Variants in CHRM5 observed in about 807,000 individuals in gnomAD.
CHRM5 encodes the protein cholinergic receptor muscarinic 5, also known as muscarinic acetylcholine receptor M5.
A neutral mutation model predicts 39.0 loss-of-function variants in CHRM5; 18 were observed. That is an observed-to-expected ratio of 0.46 (90% CI 0.32 to 0.68). The LOEUF is 0.68. CHRM5 is among the 30% of genes least tolerant of loss of function. CHRM5 has a pLI of 0.04. For missense variants in CHRM5, 515 were observed against 651.1 expected, an observed-to-expected ratio of 0.79 and a Z score of 2.28; for synonymous variants, 241 against 246.3, an observed-to-expected ratio of 0.98 and a Z score of 0.20.
intron 1 of CHRM5, among the ~76,000 whole-genome samples, chr15:33,983,577 G>A (rs1445721590): frequency 6.6e-6 from 1 of 152,024 alleles, no homozygotes; most frequent in Non-Finnish European, 1.5e-5. Context: ...GAACTTTTAA[G>A]GAAAAACAGT....
At chr15:33,993,638 T>G (rs140405841) in intron 1 of CHRM5, among the ~76,000 whole-genome samples, 217 of 152,282 alleles carry the variant, frequency 1.4e-3, no homozygotes, top group African/African-American at 5.0e-3. Flanking sequence ...CATATGAGCT[T>G]ATAGAATAAT....
intron 1 of CHRM5, among the ~76,000 whole-genome samples, chr15:34,027,029 A>T (rs934920858): frequency 6.7e-6 from 1 of 149,924 alleles, no homozygotes; most frequent in African/African-American, 2.5e-5. Flanking sequence ...CCAGAATGAT[A>T]AAGACCTCTG....
rs1186509325 is a variant in CHRM5 at position 34,064,666 on chromosome 15, G to A, written c.*350G>A. 1.2e-5 allele frequency: 3 copies of A among 253,530 alleles called. No individual in the cohort carries two copies. The highest frequency in any genetic ancestry group is 5.0e-5 in the Admixed American group (1 of 19,964). 15.7% of individuals were successfully genotyped at this position (253,530 alleles called of 1,614,324 possible). On this transcript the variant is annotated 3_prime_UTR_variant, in exon 3 of 3. Transcript: ENST00000383263. ...CTTCTGTAGGAAACAGCAGAGACCAGGTGGAAACCTTTTCCTGTGGAAACC... is the reference window on the plus strand; with the variant it reads ...CTTCTGTAGGAAACAGCAGAGACCAAGTGGAAACCTTTTCCTGTGGAAACC...
At chr15:34,021,687 T>C (rs1898206395) in intron 1 of CHRM5, among the ~76,000 whole-genome samples, 1 of 151,962 alleles carries the variant, frequency 6.6e-6, no homozygotes, top group African/African-American at 2.4e-5. Flanking sequence ...AAACCCCGTC[T>C]CTACTAAAAA....
intron 1 of CHRM5, among the ~76,000 whole-genome samples, chr15:34,031,656 C>T (rs543826266): frequency 1.3e-5 from 2 of 152,190 alleles, no homozygotes; most frequent in South Asian, 4.1e-4. Context: ...GATTGTTGTG[C>T]TGTTTGCACA....
chr15:34,043,607 G>A lies in CHRM5; in HGVS notation c.-407-2933G>A, dbSNP rs558009436. On this transcript the variant is annotated intron_variant, in intron 1 of 2. Coordinates refer to ENST00000383263, the MANE Select transcript of CHRM5 (RefSeq NM_012125.4). ...CCTGGAATCCACAGCCTGTACTCTG[G>A]TGGAGAAAAGGGAAAGTGAAGAGCT... 2.1e-3 allele frequency among the ~76,000 whole-genome samples: 326 copies of A among 152,266 alleles called. 1 individual carries two copies. The highest frequency in any genetic ancestry group is 7.4e-3 in the African/African-American group (307 of 41,542).
Position 34,064,174 on chromosome 15 carries a change from T to C in CHRM5, c.1457T>C (p.Val486Ala). 2 of 1,614,170 alleles carry C rather than the reference T, an allele frequency of 1.2e-6. No homozygotes were observed. Among genetic ancestry groups the C allele is most frequent in the Non-Finnish European group, 1.7e-6 (2 of 1,180,024 alleles). ...LWHLGYWLCY[V>A]NSTVNPICYA... ...CACTTGGGCTATTGGTTGTGCTATG[T>C]CAATAGCACTGTCAACCCCATCTGC... The change falls in exon 3 of 3, where the codon GTC becomes GCC. Residue 486 changes from valine (V) to alanine (A), a missense_variant. Val to Ala is a moderately conservative substitution (Grantham distance 64). Coordinates refer to ENST00000383263, the MANE Select transcript of CHRM5 (RefSeq NM_012125.4).
chr15:34,057,196 T>C (rs1176654261), intron 2 of CHRM5, among the ~76,000 whole-genome samples: 1 of 151,408 alleles, frequency 6.6e-6, no homozygotes, highest in Non-Finnish European at 1.5e-5. Flanking sequence ...TGCAGTCGCA[T>C]GATCTTGGCT....
At chr15:34,004,983 T>A (rs1005936524) in intron 1 of CHRM5, among the ~76,000 whole-genome samples, 2 of 151,584 alleles carry the variant, frequency 1.3e-5, no homozygotes, top group African/African-American at 2.4e-5. Context: ...AAAAAAATAA[T>A]GAGCTTTTAT....
intron 1 of CHRM5, among the ~76,000 whole-genome samples, chr15:34,044,681 G>A (rs8030094): frequency 0.16 from 24,054 of 152,074 alleles, 2,222 homozygotes; most frequent in Middle Eastern, 0.27. Context: ...GGCAGGAGTC[G>A]ACAGTGTATG....
At chr15:33,992,658 C>A (rs956247797) in intron 1 of CHRM5, among the ~76,000 whole-genome samples, 2 of 9,176 alleles carry the variant, frequency 2.2e-4, no homozygotes, top group Non-Finnish European at 5.0e-4. Flanking sequence ...ATATACCATA[C>A]AAGAAGAGGG....
chr15:33,969,926 A>G (rs953046090), intron 1 of CHRM5, among the ~76,000 whole-genome samples: 13 of 152,164 alleles, frequency 8.5e-5, no homozygotes, highest in East Asian at 5.8e-4. Context: ...TCACTGCATA[A>G]TGAGACTTCT....
chr15:33,983,007 C>T (rs1479595538), intron 1 of CHRM5, among the ~76,000 whole-genome samples: 1 of 151,636 alleles, frequency 6.6e-6, no homozygotes, highest in South Asian at 2.1e-4. Context: ...CTGCATGGAC[C>T]ATGACTGTCT....
chr15:34,021,208 T>A (rs1330598582), intron 1 of CHRM5, among the ~76,000 whole-genome samples: 1 of 152,108 alleles, frequency 6.6e-6, no homozygotes, highest in Non-Finnish European at 1.5e-5. Context: ...TTTTTGGAGA[T>A]GGAGTTTTGC....
intron 1 of CHRM5, among the ~76,000 whole-genome samples, chr15:34,010,766 G>A (rs975883225): frequency 2.6e-5 from 4 of 152,150 alleles, no homozygotes; most frequent in African/African-American, 9.7e-5. Context: ...ATTTTACAAT[G>A]TGTATAACTG....
At chr15:34,032,785 T>C (rs941050345) in intron 1 of CHRM5, among the ~76,000 whole-genome samples, 5 of 152,206 alleles carry the variant, frequency 3.3e-5, no homozygotes, top group South Asian at 2.1e-4. Context: ...TCTGGCTGTA[T>C]TCCCCAAGCC....
At chr15:34,037,592 T>C (rs1899206731) in intron 1 of CHRM5, among the ~76,000 whole-genome samples, 1 of 150,210 alleles carries the variant, frequency 6.7e-6, no homozygotes, top group Non-Finnish European at 1.5e-5. Flanking sequence ...AAATGTGATA[T>C]ATAGTGGGCA....
chr15:34,052,457 T>C (rs543010338), intron 2 of CHRM5, among the ~76,000 whole-genome samples: 9 of 152,252 alleles, frequency 5.9e-5, no homozygotes, highest in Admixed American at 3.3e-4. Context: ...TACTCTGTCT[T>C]ACCACTCCTA....
At chr15:34,027,145 G>A (rs1040677307) in intron 1 of CHRM5, among the ~76,000 whole-genome samples, 6 of 152,204 alleles carry the variant, frequency 3.9e-5, no homozygotes, top group Admixed American at 2.6e-4. Context: ...AGTCCAAGGA[G>A]TGTTTATTTA....
Sources: gnomAD v4.1 joint callset for allele counts (sites outside exome capture counted in the v4.1 genomes callset) on GRCh38, gnomAD v4.1.1 for gene constraint, MANE v1.5 for transcripts, NCBI Gene and HGNC (gene_info 2026-07-23, HGNC 2026-07-21) for gene names.